The following CPLANE1 variants were observed in gnomAD, a reference collection of about 807,000 sequenced individuals.
The protein encoded by CPLANE1 is ciliogenesis and planar polarity effector 1.
In CPLANE1, 263 loss-of-function variants were observed where a neutral mutation model predicts 362.5. The observed-to-expected ratio is 0.73, with a 90% CI of 0.66 to 0.80. The LOEUF is 0.80. Among genes scored for constraint, CPLANE1 ranks in the 30% least tolerant of loss-of-function variants. CPLANE1 has a pLI of 0.00. For synonymous variants in CPLANE1, 1,212 were observed against 1,302.6 expected, an observed-to-expected ratio of 0.93 and a Z score of 1.50; for missense variants, 3,461 against 3,793.4, an observed-to-expected ratio of 0.91 and a Z score of 2.30.
intron 50 of CPLANE1, among the ~76,000 whole-genome samples, chr5:37,118,936 T>C (rs1761842543): frequency 6.6e-6 from 1 of 152,024 alleles, no homozygotes; most frequent in South Asian, 2.1e-4. Context: ...ATGGTCTCAA[T>C]CTCTTGACCT....
At chr5:37,111,422 G>A (rs999631519) in intron 51 of CPLANE1, among the ~76,000 whole-genome samples, 3 of 152,108 alleles carry the variant, frequency 2.0e-5, no homozygotes, top group Non-Finnish European at 2.9e-5. Context: ...CACCGTGCCC[G>A]GCCTAACTTT....
At chr5:37,116,619 CAA>C (rs1368218243) in intron 50 of CPLANE1, among the ~76,000 whole-genome samples, 2 of 138,762 alleles carry the variant, frequency 1.4e-5, no homozygotes, top group Non-Finnish European at 1.6e-5. Flanking sequence ...TTCCTGTGTC[CAA>C]AAAAAAAAAA....
At chr5:37,171,787 T>A (rs1779882868) in intron 32 of CPLANE1, among the ~76,000 whole-genome samples, 1 of 113,198 alleles carries the variant, frequency 8.8e-6, no homozygotes. Flanking sequence ...TCTCTCTCTA[T>A]CTATCTATTC....
intron 12 of CPLANE1, among the ~76,000 whole-genome samples, chr5:37,225,521 G>A (rs934440730): frequency 6.6e-6 from 1 of 152,118 alleles, no homozygotes; most frequent in African/African-American, 2.4e-5. Flanking sequence ...GTGAGCCACT[G>A]CGCCCAGCCT....
At chr5:37,107,838 A>C in intron 52 of CPLANE1, 60 bp from the exon 53 acceptor site, 2 of 1,472,978 alleles carry the variant, frequency 1.4e-6, no homozygotes, top group Non-Finnish European at 1.8e-6. Flanking sequence ...AAAAACAAAA[A>C]CAAAAAAACC....
At chr5:37,077,785 T>A in the CPLANE1 span, among the ~76,000 whole-genome samples, 2 of 151,882 alleles carry the variant, frequency 1.3e-5, no homozygotes, top group South Asian at 2.1e-4. Context: ...GGCTAATTTT[T>A]AAATTTTTTT....
rs752878745 is a variant in CPLANE1 at position 37,227,677 on chromosome 5, G to A, written c.1262C>T (p.Thr421Ile). ...TAGGCTATCAAGAAATCGAAGGGTT[G>A]TGACCATATATCCATCAGATATAAC... is the stretch of plus-strand genomic sequence containing the variant. ...YLVISDGYMV[T>I]TLRFLDSLSP... Residue 421 changes from threonine (T) to isoleucine (I), a missense_variant, in exon 10 of 53, where the codon ACA becomes ATA. By Grantham distance (89) the Thr-to-Ile change is moderately conservative (BLOSUM62 -1). Coordinates refer to ENST00000651892, the MANE Select transcript of CPLANE1 (RefSeq NM_001384732.1). 2.6e-6 allele frequency: 4 copies of A among 1,551,380 alleles called. No individual in the cohort carries two copies. The highest frequency in any genetic ancestry group is 1.2e-5 in the South Asian group (1 of 84,052).
the CPLANE1 span, among the ~76,000 whole-genome samples, chr5:37,097,871 C>T: frequency 1.3e-5 from 2 of 152,236 alleles, no homozygotes; most frequent in East Asian, 3.9e-4. Flanking sequence ...ATAACCCTAC[C>T]TGTGAATGGA....
At chr5:37,220,250 C>CA (rs113647197) in intron 15 of CPLANE1, among the ~76,000 whole-genome samples, 2,828 of 133,804 alleles carry the variant, frequency 0.021, 59 homozygotes, top group African/African-American at 0.053. Context: ...GACCATATCT[C>CA]AAAAAAAAAA....
At chr5:37,144,370 T>A (rs192970973) in intron 43 of CPLANE1, among the ~76,000 whole-genome samples, 2 of 133,596 alleles carry the variant, frequency 1.5e-5, no homozygotes, top group African/African-American at 2.9e-5. Context: ...ATCGCACCAC[T>A]GCACTCCAAC....
intron 50 of CPLANE1, among the ~76,000 whole-genome samples, chr5:37,119,765 C>T (rs1477619149): frequency 6.6e-6 from 1 of 151,642 alleles, no homozygotes. Flanking sequence ...GCGGGTGGAT[C>T]ACCAGGTCAG....
Position 37,107,179 on chromosome 5 carries a change from G to C in CPLANE1, c.*423C>G, listed in dbSNP as rs190089842. ...AATAGGGTTCATAATTGAGTTCTCA[G>C]GTGAGACTGATTTTCTTCTCAATGA... On this transcript the variant is annotated 3_prime_UTR_variant, in exon 53 of 53. Transcript: ENST00000651892. 4.4e-4 allele frequency: 433 copies of C among 985,938 alleles called. 2 individuals are homozygous for C. The African/African-American group carries it at 7.0e-3, about 16-fold the overall frequency. 61.1% of individuals were successfully genotyped at this position (985,938 alleles called of 1,614,324 possible).
the CPLANE1 span, among the ~76,000 whole-genome samples, chr5:37,100,726 T>C: frequency 6.6e-6 from 1 of 152,242 alleles, no homozygotes; most frequent in Non-Finnish European, 1.5e-5. Context: ...TTCCATGATA[T>C]TGATTCCTCC....
intron 38 of CPLANE1, among the ~76,000 whole-genome samples, chr5:37,161,047 C>A (rs1776730799): frequency 6.6e-6 from 1 of 152,138 alleles, no homozygotes; most frequent in Admixed American, 6.5e-5. Flanking sequence ...CCAAAAAAGT[C>A]TCTTATGCAG....
the CPLANE1 span, among the ~76,000 whole-genome samples, chr5:37,089,959 C>T: frequency 6.6e-5 from 10 of 152,250 alleles, no homozygotes; most frequent in African/African-American, 2.2e-4. Flanking sequence ...CCCAACGGAG[C>T]CAATACTTTT....
chr5:37,211,664 T>A (rs1792638680), intron 16 of CPLANE1: 1 of 798,248 alleles, frequency 1.3e-6, no homozygotes, highest in Admixed American at 1.7e-5. Context: ...CCAGTCCTTA[T>A]CCTGACAGAA....
intron 29 of CPLANE1, among the ~76,000 whole-genome samples, chr5:37,178,670 C>T (rs1364096992): frequency 6.6e-6 from 1 of 151,548 alleles, no homozygotes; most frequent in African/African-American, 2.4e-5. Flanking sequence ...TCTATGTTCC[C>T]CCTGGAAATT....
chr5:37,139,210 A>C, intron 45 of CPLANE1, 130 bp downstream of exon 45: 1 of 870,808 alleles, frequency 1.1e-6, no homozygotes, highest in South Asian at 2.1e-5. Context: ...TTCCATACCC[A>C]ATGAAAACTT....
At chr5:37,197,427 G>C (rs73750951) in intron 20 of CPLANE1, among the ~76,000 whole-genome samples, 4,095 of 152,172 alleles carry the variant, frequency 0.027, 200 homozygotes, top group African/African-American at 0.093. Context: ...AAAGAAATGG[G>C]GGACCACAGT....
Sources: allele counts gnomAD v4.1 joint callset (sites outside exome capture counted in the v4.1 genomes callset), GRCh38; gene constraint gnomAD v4.1.1; transcripts MANE v1.5; gene names NCBI Gene and HGNC (gene_info 2026-07-23, HGNC 2026-07-21).